TUSC3: variants seen among roughly 807,000 people sequenced by gnomAD.
TUSC3 encodes dolichyl-diphosphooligosaccharide--protein glycosyltransferase subunit TUSC3.
In TUSC3, 45 loss-of-function variants were observed where a neutral mutation model predicts 44.8. The observed-to-expected ratio is 1.00, with a 90% CI of 0.79 to 1.29. TUSC3 has a LOEUF of 1.29. Ranked by LOEUF, TUSC3 falls within the 50% of genes most tolerant of loss-of-function variation. The pLI is 0.00. For missense variants in TUSC3, 519 were observed against 437.9 expected (o/e 1.19, Z -1.65); for synonymous variants, 212 against 152.9 (o/e 1.39, Z -2.85).
intron 1 of TUSC3, among the ~76,000 whole-genome samples, chr8:15,420,609 C>G (rs1461781167): frequency 1.3e-5 from 2 of 152,076 alleles, no homozygotes; most frequent in Non-Finnish European, 2.9e-5. Context: ...TGCAAAAATT[C>G]CTCTGAAGAT....
intron 2 of TUSC3, among the ~76,000 whole-genome samples, chr8:15,522,859 C>T (rs1433635063): frequency 1.3e-5 from 2 of 152,152 alleles, no homozygotes; most frequent in Admixed American, 6.5e-5. Context: ...AGCTTGTCTA[C>T]ACAAATGTGC....
At chr8:15,591,677 G>C (rs994577495) in intron 1 of TUSC3, among the ~76,000 whole-genome samples, 1 of 152,174 alleles carries the variant, frequency 6.6e-6, no homozygotes, top group African/African-American at 2.4e-5. Context: ...TTTCAGTGCA[G>C]ATCTGACTTT....
At chr8:15,640,770 G>T (rs762800045) in intron 2 of TUSC3, among the ~76,000 whole-genome samples, 4 of 152,146 alleles carry the variant, frequency 2.6e-5, no homozygotes, top group Middle Eastern at 3.2e-3. Context: ...GATCCAAGGG[G>T]AGATGATGGT....
chr8:15,707,711 G>C (rs1399997553), intron 6 of TUSC3, among the ~76,000 whole-genome samples: 1 of 151,980 alleles, frequency 6.6e-6, no homozygotes, highest in Non-Finnish European at 1.5e-5. Context: ...ATTGAAGTGG[G>C]AATTTGACAT....
intron 2 of TUSC3, among the ~76,000 whole-genome samples, chr8:15,529,718 T>G (rs981958713): frequency 6.6e-6 from 1 of 151,696 alleles, no homozygotes; most frequent in Non-Finnish European, 1.5e-5. Context: ...TTGGAGCATT[T>G]AGGGATTTTC....
intron 6 of TUSC3, among the ~76,000 whole-genome samples, chr8:15,691,275 G>C (rs1360915845): frequency 6.6e-6 from 1 of 152,088 alleles, no homozygotes; most frequent in Non-Finnish European, 1.5e-5. Context: ...TGGCAGTTGT[G>C]AATGGGATTT....
At chr8:15,589,094 A>G (rs1803716207) in intron 1 of TUSC3, among the ~76,000 whole-genome samples, 1 of 152,080 alleles carries the variant, frequency 6.6e-6, no homozygotes, top group Admixed American at 6.6e-5. Context: ...TTCTTACTAA[A>G]TTTAAAGTCT....
the TUSC3 span, among the ~76,000 whole-genome samples, chr8:15,835,014 C>T: frequency 3.3e-5 from 5 of 152,184 alleles, no homozygotes; most frequent in Admixed American, 2.6e-4. Flanking sequence ...GGAAGCATGA[C>T]TGTAAGCTGG....
intron 2 of TUSC3, among the ~76,000 whole-genome samples, chr8:15,484,795 A>T (rs952312804): frequency 2.2e-4 from 33 of 152,256 alleles, no homozygotes; most frequent in African/African-American, 8.0e-4. Flanking sequence ...CATCACTTTT[A>T]AAATGTTCAT....
chr8:15,485,046 C>G (rs1272236794), intron 2 of TUSC3, among the ~76,000 whole-genome samples: 2 of 152,118 alleles, frequency 1.3e-5, no homozygotes, highest in African/African-American at 4.8e-5. Context: ...AAGTGTGTCT[C>G]AGGTCATTCA....
At chr8:15,463,172 C>A (rs1585054506) in intron 1 of TUSC3, among the ~76,000 whole-genome samples, 1 of 152,010 alleles carries the variant, frequency 6.6e-6, no homozygotes, top group Non-Finnish European at 1.5e-5. Flanking sequence ...AAGTTTGCAA[C>A]TGAGTAATTG....
intron 2 of TUSC3, among the ~76,000 whole-genome samples, chr8:15,509,623 A>T (rs1439211910): frequency 6.6e-6 from 1 of 152,112 alleles, no homozygotes; most frequent in African/African-American, 2.4e-5. Context: ...AAAAAATCAT[A>T]ATAAAATAGC....
intron 6 of TUSC3, among the ~76,000 whole-genome samples, chr8:15,690,192 T>C (rs1808837394): frequency 6.6e-6 from 1 of 152,168 alleles, no homozygotes; most frequent in Non-Finnish European, 1.5e-5. Flanking sequence ...TTTTATGTCT[T>C]TTTAATAGGC....
At chr8:15,720,220 A>ACG (rs1810249546) in intron 6 of TUSC3, among the ~76,000 whole-genome samples, 3 of 148,864 alleles carry the variant, frequency 2.0e-5, no homozygotes, top group South Asian at 2.1e-4. Flanking sequence ...ACACACACAC[A>ACG]CACACACACA....
intron 7 of TUSC3, among the ~76,000 whole-genome samples, chr8:15,731,878 T>G (rs138746764): frequency 6.6e-6 from 1 of 152,298 alleles, no homozygotes; most frequent in African/African-American, 2.4e-5. Context: ...CTATTTTATT[T>G]GCTTACTGTG....
intron 1 of TUSC3, among the ~76,000 whole-genome samples, chr8:15,474,994 T>A (rs1454906253): frequency 2.0e-5 from 3 of 148,680 alleles, no homozygotes; most frequent in Non-Finnish European, 2.9e-5. Flanking sequence ...ATTCATTTCC[T>A]TTTTTTTGAT....
At chr8:15,715,212 T>C (rs2129201356) in intron 6 of TUSC3, among the ~76,000 whole-genome samples, 1 of 152,298 alleles carries the variant, frequency 6.6e-6, no homozygotes, top group Middle Eastern at 3.4e-3. Context: ...TTGTGTTTTT[T>C]CCTAAACATG....
chr8:15,781,678 C>A, the TUSC3 span, among the ~76,000 whole-genome samples: 1 of 152,248 alleles, frequency 6.6e-6, no homozygotes, highest in South Asian at 2.1e-4. Context: ...CACAGAAAAG[C>A]CCAACACAAG....
downstream of TUSC3, among the ~76,000 whole-genome samples, chr8:15,770,600 A>T (rs1306431340): frequency 6.6e-6 from 1 of 152,116 alleles, no homozygotes; most frequent in African/African-American, 2.4e-5. Context: ...GATGTTGAAA[A>T]ATATGATCTT....
Sources: allele counts gnomAD v4.1 joint callset (sites outside exome capture counted in the v4.1 genomes callset), GRCh38; gene constraint gnomAD v4.1.1; transcripts MANE v1.5; gene names NCBI Gene and HGNC (gene_info 2026-07-23, HGNC 2026-07-21).